ZNF492: variants seen among roughly 807,000 people sequenced by gnomAD.
ZNF492 encodes zinc finger protein 115 (Y20).
Under a neutral mutation model 6.4 loss-of-function variants are expected in ZNF492, and 3 were observed. That is an observed-to-expected ratio of 0.47 (90% CI 0.21 to 1.22). The LOEUF is 1.22. ZNF492 is among the 50% of genes most tolerant of loss of function. The pLI, the probability that ZNF492 is intolerant of heterozygous loss-of-function variation, is 0.22. For missense variants in ZNF492, 356 were observed against 612.5 expected, an observed-to-expected ratio of 0.58 and a Z score of 4.42; for synonymous variants, 112 against 205.3, an observed-to-expected ratio of 0.55 and a Z score of 3.89.
At chr19:22,634,942 AGCACCCAGCTGT>A (rs1971745367) in intron 1 of ZNF492, among the ~76,000 whole-genome samples, 1 of 152,216 alleles carries the variant, frequency 6.6e-6, no homozygotes, top group African/African-American at 2.4e-5. Context: ...AAAGTTATAG[AGCACCCAGCTGT>A]GGGTTGTAGT....
intron 1 of ZNF492, among the ~76,000 whole-genome samples, chr19:22,636,644 T>A (rs118059742): frequency 0.19 from 28,813 of 150,724 alleles, 3,584 homozygotes; most frequent in African/African-American, 0.36. Context: ...TTTTATTATT[T>A]TTTTTTTGAG....
At chr19:22,658,490 C>A (rs909626114) in intron 3 of ZNF492, among the ~76,000 whole-genome samples, 1 of 147,450 alleles carries the variant, frequency 6.8e-6, no homozygotes, top group African/African-American at 2.6e-5. Flanking sequence ...TTACAATACA[C>A]ATTAAACAAC....
At position 22,634,379 on chromosome 19, in the gene ZNF492, T is replaced by G; in HGVS notation, c.-189T>G. 8.1e-7 allele frequency: 1 copy of G among 1,228,280 alleles called. No homozygotes were observed. The highest frequency in any genetic ancestry group is 1.2e-6 in the Non-Finnish European group (1 of 853,160). The allele number at this position is 1,228,280 out of a possible 1,614,324, so 76.1% of individuals were successfully genotyped here. A position where few individuals can be genotyped will look rare whatever the true frequency, so the allele number is the denominator to read the frequency against. On this transcript the variant is annotated 5_prime_UTR_variant, in exon 1 of 4. Coordinates refer to ENST00000456783, the MANE Select transcript of ZNF492 (RefSeq NM_020855.3). The stretch of plus-strand genomic sequence containing the variant: ...GTCTAGTGTTCGCTGTTCTGCGTCC[T>G]CTGGTCCTAGAGGCCCATCCTCTGT...
chr19:22,653,038 T>TTAG (rs1359147418), intron 1 of ZNF492, among the ~76,000 whole-genome samples: 2 of 151,518 alleles, frequency 1.3e-5, no homozygotes, highest in African/African-American at 2.4e-5. Context: ...AATGTACATG[T>TTAG]TAGTGTTAAT....
At chr19:22,654,688 G>A (rs1350519048) in intron 3 of ZNF492, among the ~76,000 whole-genome samples, 1 of 148,844 alleles carries the variant, frequency 6.7e-6, no homozygotes, top group Non-Finnish European at 1.5e-5. Context: ...TGCAACCTCT[G>A]CCTCCTGGGT....
chr19:22,663,986 C>T lies in ZNF492; in HGVS notation c.317C>T (p.Thr106Met), dbSNP rs11672238. The change falls in exon 4 of 4, where the codon ACG (threonine) becomes ATG (methionine). Residue 106 changes from threonine to methionine, a missense_variant. This residue lies in a region of ZNF492 where 196 missense variants were observed against 219.4 expected (regional missense o/e 0.89). Coordinates refer to ENST00000456783, the MANE Select transcript of ZNF492 (RefSeq NM_020855.3). ...TACAATGGACTTAACCAGTGTTTGA[C>T]GACTACCCAGAACAAAATATTTCAA... ...ECYNGLNQCLTTTQNKIFQCD... is the reference protein window; with the variant it reads ...ECYNGLNQCLMTTQNKIFQCD... The T allele has an allele frequency of 2.0e-5, 32 of 1,611,418 alleles. No homozygotes were observed. The highest frequency in any genetic ancestry group is 8.0e-5 in the African/African-American group (6 of 74,814).
chr19:22,660,955 A>G (rs1037740230), intron 3 of ZNF492, among the ~76,000 whole-genome samples: 2 of 144,952 alleles, frequency 1.4e-5, no homozygotes, highest in African/African-American at 5.2e-5. Context: ...GTCACACGGT[A>G]TCTTTCTGAT....
At position 22,634,326 on chromosome 19, in the gene ZNF492, C is replaced by T; in HGVS notation, c.-242C>T. 1 of 897,552 alleles carries T rather than the reference C, an allele frequency of 1.1e-6. No homozygotes were observed. The highest frequency in any genetic ancestry group is 1.4e-5 in the South Asian group (1 of 69,430). 55.6% of individuals were successfully genotyped at this position (897,552 alleles called of 1,614,324 possible). A position where few individuals can be genotyped will look rare whatever the true frequency, so the allele number is the denominator to read the frequency against. On this transcript the variant is annotated 5_prime_UTR_variant, in exon 1 of 4. Coordinates refer to ENST00000456783, the MANE Select transcript of ZNF492 (RefSeq NM_020855.3). ...GGCGGCTTCCGGGATGTGGCGGGGT[C>T]TTTGTCTCTCGCTGCAGTCGGAGTA...
At chr19:22,638,966 C>T (rs544000039) in intron 1 of ZNF492, among the ~76,000 whole-genome samples, 61 of 152,094 alleles carry the variant, frequency 4.0e-4, no homozygotes, top group African/African-American at 1.4e-3. Context: ...CTCAGCCTCC[C>T]GAGTAGCTGA....
Position 22,667,366 on chromosome 19 carries a change from T to C in ZNF492, c.*2101T>C, listed in dbSNP as rs550385455. ...AGGAATGTTGTTTCTGTAGGTAAAATTTTTATTTATTTTTTCCCATTTAAA... is the reference window on the plus strand; with the variant it reads ...AGGAATGTTGTTTCTGTAGGTAAAACTTTTATTTATTTTTTCCCATTTAAA... On this transcript the variant is annotated 3_prime_UTR_variant, in exon 4 of 4. Coordinates refer to ENST00000456783, the MANE Select transcript of ZNF492 (RefSeq NM_020855.3). 19 of 152,220 alleles carry C rather than the reference T, an allele frequency of 1.2e-4. No individual in the cohort carries two copies. Among genetic ancestry groups the C allele is most frequent in the Non-Finnish European group, 2.4e-4 (16 of 68,004 alleles). 9.4% of individuals were successfully genotyped at this position (152,220 alleles called of 1,614,324 possible).
rs1160599224 is a variant in ZNF492, at chr19:22,666,185, C to CA, written c.*920_*921insA. The CA allele has an allele frequency of 4.4e-5, 6 of 136,718 alleles. No homozygotes were observed. Among genetic ancestry groups the CA allele is most frequent in the Non-Finnish European group, 7.8e-5 (5 of 63,832 alleles). The allele number at this position is 136,718 out of a possible 1,614,324, so 8.5% of individuals were successfully genotyped here. ...AAGGAAATTAGTTTTTCTTTTTCTT[C>CA]TTCTTTTTTTTTTTTTTTTTAGATG... On this transcript the variant is annotated 3_prime_UTR_variant, in exon 4 of 4. Transcript: ENST00000456783.
At chr19:22,648,470 T>G (rs1971906456) in intron 1 of ZNF492, among the ~76,000 whole-genome samples, 1 of 152,190 alleles carries the variant, frequency 6.6e-6, no homozygotes, top group Non-Finnish European at 1.5e-5. Context: ...GTCCACTTGA[T>G]CCAGAGCTGA....
chr19:22,655,810 C>CT (rs1568355644), intron 3 of ZNF492, among the ~76,000 whole-genome samples: 2 of 59,380 alleles, frequency 3.4e-5, no homozygotes, highest in Non-Finnish European at 6.6e-5. Context: ...TCAAGTTTTT[C>CT]TTGTTGTTTT....
chr19:22,642,527 C>T (rs1047350923), intron 1 of ZNF492, among the ~76,000 whole-genome samples: 1 of 142,942 alleles, frequency 7.0e-6, no homozygotes, highest in Non-Finnish European at 1.5e-5. Flanking sequence ...GTAGCTGGGA[C>T]TATAGGCACC....
At chr19:22,635,150 A>G (rs1364256264) in intron 1 of ZNF492, among the ~76,000 whole-genome samples, 1 of 151,856 alleles carries the variant, frequency 6.6e-6, no homozygotes, top group East Asian at 1.9e-4. Context: ...GTTTCCCCCA[A>G]TGTAGTAATT....
intron 1 of ZNF492, among the ~76,000 whole-genome samples, chr19:22,649,495 TCTC>T (rs1568354169): frequency 6.6e-6 from 1 of 152,188 alleles, no homozygotes. Context: ...CTGGGGAAGT[TCTC>T]CTGGATGATA....
chr19:22,646,271 C>G (rs1463785336), intron 1 of ZNF492, among the ~76,000 whole-genome samples: 1 of 152,048 alleles, frequency 6.6e-6, no homozygotes, highest in African/African-American at 2.4e-5. Flanking sequence ...ATATTTTATT[C>G]TTTTTGTAGC....
rs549561861 is a variant in ZNF492 at position 22,652,244 on chromosome 19, G to A, written c.-93-1063G>A. Among the ~76,000 whole-genome samples the A allele has an allele frequency of 1.6e-3, 100 of 62,268 alleles. 2 individuals are homozygous for A. The highest frequency in any genetic ancestry group is 2.2e-3 in the Non-Finnish European group (83 of 37,280). The allele number at this position is 62,268 out of a possible 152,430, so 40.9% of individuals were successfully genotyped here. ...GGCTTTTTTTTTTTTTTTTTGAGAC[G>A]GAGTCTCGCTCTGTCGCCCAGGCCG... On this transcript the variant is annotated intron_variant, in intron 1 of 3. Coordinates refer to ENST00000456783, the MANE Select transcript of ZNF492 (RefSeq NM_020855.3).
intron 1 of ZNF492, among the ~76,000 whole-genome samples, chr19:22,640,054 TA>T (rs1438904846): frequency 6.6e-6 from 1 of 152,172 alleles, no homozygotes; most frequent in East Asian, 1.9e-4. Flanking sequence ...CTTTTTAACA[TA>T]AAAATGTTAA....
Sources: allele counts gnomAD v4.1 joint callset (sites outside exome capture counted in the v4.1 genomes callset), GRCh38; gene constraint gnomAD v4.1.1; regional missense constraint gnomAD v4.1.1; transcripts MANE v1.5; gene names NCBI Gene and HGNC (gene_info 2026-07-23, HGNC 2026-07-21).